Variants in RANBP2 observed in about 807,000 individuals in gnomAD.
The protein encoded by RANBP2 is E3 SUMO-protein ligase RanBP2.
Under a neutral mutation model 303.6 loss-of-function variants are expected in RANBP2, and 57 were observed. The observed-to-expected ratio is 0.19, with a 90% CI of 0.15 to 0.23. The LOEUF (loss-of-function observed/expected upper bound fraction) is 0.23, where lower values mean the gene tolerates loss of function less well. Among genes scored for constraint, RANBP2 ranks in the 10% least tolerant of loss-of-function variants. RANBP2 has a pLI of 1.00. For missense variants in RANBP2, 3,138 were observed against 3,780.8 expected, an observed-to-expected ratio of 0.83 and a Z score of 4.46; for synonymous variants, 1,167 against 1,301.5, an observed-to-expected ratio of 0.90 and a Z score of 2.23.
At chr2:109,422,678 G>C in the RANBP2 span, among the ~76,000 whole-genome samples, 2 of 152,194 alleles carry the variant, frequency 1.3e-5, no homozygotes, top group Admixed American at 6.5e-5. Context: ...AAATATGATT[G>C]TCTGCTCCTA....
the RANBP2 span, among the ~76,000 whole-genome samples, chr2:109,389,725 G>A: frequency 6.6e-6 from 1 of 151,830 alleles, no homozygotes; most frequent in Non-Finnish European, 1.5e-5. Context: ...TATATTATTT[G>A]GTCCACTAGA....
the RANBP2 span, among the ~76,000 whole-genome samples, chr2:109,477,216 G>A: frequency 6.6e-6 from 1 of 152,172 alleles, no homozygotes; most frequent in African/African-American, 2.4e-5. Flanking sequence ...GCACTGCCCC[G>A]GGTTGCACAC....
At chr2:108,861,857 GT>G in the RANBP2 span, among the ~76,000 whole-genome samples, 2 of 151,996 alleles carry the variant, frequency 1.3e-5, no homozygotes, top group Admixed American at 6.6e-5. Context: ...TCTTAGCACT[GT>G]TTTTACTGTA....
At chr2:109,115,550 AT>A in the RANBP2 span, among the ~76,000 whole-genome samples, 1 of 152,162 alleles carries the variant, frequency 6.6e-6, no homozygotes, top group Non-Finnish European at 1.5e-5. Flanking sequence ...GGTTTCCTGA[AT>A]ACAGCGCACT....
chr2:109,107,315 A>G, the RANBP2 span, among the ~76,000 whole-genome samples: 1 of 151,616 alleles, frequency 6.6e-6, no homozygotes, highest in African/African-American at 2.4e-5. Flanking sequence ...ACGCTCAGGG[A>G]TAAGTACAGG....
chr2:108,736,182 T>A lies in RANBP2; in HGVS notation c.715T>A (p.Tyr239Asn), dbSNP rs1405042231. The change falls in exon 6 of 29, where the codon TAT becomes AAT. Residue 239 changes from tyrosine (Y) to asparagine (N), a missense_variant. Transcript: ENST00000283195. ...AACCAATACAGACTTACTGCTGGCCTATGCTAATCTTATGCTTCTTACGCT... is the reference window on the plus strand; with the variant it reads ...AACCAATACAGACTTACTGCTGGCCAATGCTAATCTTATGCTTCTTACGCT... Reference protein sequence around the residue: ...RATNTDLLLAYANLMLLTLST... With the variant: ...RATNTDLLLANANLMLLTLST... 1.9e-6 allele frequency: 3 copies of A among 1,611,984 alleles called. No individual in the cohort carries two copies. Among genetic ancestry groups the A allele is most frequent in the Admixed American group, 1.7e-5 (1 of 60,018 alleles).
the RANBP2 span, among the ~76,000 whole-genome samples, chr2:109,468,400 TATC>T: frequency 1.3e-5 from 2 of 152,212 alleles, no homozygotes; most frequent in Non-Finnish European, 2.9e-5. Flanking sequence ...TCAGTTTCAT[TATC>T]ATCTTATAAG....
the RANBP2 span, among the ~76,000 whole-genome samples, chr2:108,959,097 C>G: frequency 6.6e-6 from 1 of 152,270 alleles, no homozygotes; most frequent in Admixed American, 6.5e-5. Flanking sequence ...CACCAGTTCT[C>G]TGTGGCTTCC....
the RANBP2 span, among the ~76,000 whole-genome samples, chr2:109,657,185 A>T: frequency 6.6e-6 from 1 of 152,142 alleles, no homozygotes; most frequent in Non-Finnish European, 1.5e-5. Flanking sequence ...CTTGCATTTC[A>T]ACATGCCAGA....
chr2:109,572,529 G>A, the RANBP2 span, among the ~76,000 whole-genome samples: 197 of 151,786 alleles, frequency 1.3e-3, no homozygotes, highest in African/African-American at 4.6e-3. Context: ...AGGCAGTTCA[G>A]CATGACAGCC....
At chr2:109,053,913 C>T in the RANBP2 span, among the ~76,000 whole-genome samples, 50 of 152,258 alleles carry the variant, frequency 3.3e-4, 1 homozygote, top group African/African-American at 1.1e-3. Flanking sequence ...CCACTGCCAG[C>T]GCAGTCCAGA....
chr2:109,173,929 T>G, the RANBP2 span, among the ~76,000 whole-genome samples: 1 of 152,240 alleles, frequency 6.6e-6, no homozygotes, highest in Non-Finnish European at 1.5e-5. Context: ...GGCCAATTCT[T>G]ATGCCCTTTA....
the RANBP2 span, among the ~76,000 whole-genome samples, chr2:109,089,207 G>A: frequency 6.6e-6 from 1 of 152,178 alleles, no homozygotes; most frequent in African/African-American, 2.4e-5. Context: ...AGTGAGGGCA[G>A]GAGGAAATAA....
At position 108,763,482 on chromosome 2, in the gene RANBP2, C is replaced by T. The variant is rs1186427284; in HGVS notation, c.2943C>T (p.Phe981=). The change falls in exon 20 of 29, where the codon TTC becomes TTT. Residue 981 remains phenylalanine (F), a synonymous_variant. Transcript: ENST00000283195. ...CACCTTTGCCAGAACCAGGATATTT[C>T]ACAAAACCTCCGATTGCAGCTCATG... ...TNPPLPEPGY[F]TKPPIAAHAS... 2 of 1,614,046 alleles carry T rather than the reference C, an allele frequency of 1.2e-6. No homozygotes were observed. Among genetic ancestry groups the T allele is most frequent in the East Asian group, 4.5e-5 (2 of 44,880 alleles).
chr2:109,030,767 G>T, the RANBP2 span, among the ~76,000 whole-genome samples: 1 of 152,092 alleles, frequency 6.6e-6, no homozygotes, highest in Non-Finnish European at 1.5e-5. Flanking sequence ...GTTGTTGTTT[G>T]TTTGTTTTCT....
At chr2:109,307,605 G>T in the RANBP2 span, among the ~76,000 whole-genome samples, 2 of 126,434 alleles carry the variant, frequency 1.6e-5, no homozygotes, top group African/African-American at 3.3e-5. Flanking sequence ...CCCAGAGTGT[G>T]ATATTCCCCT....
the RANBP2 span, among the ~76,000 whole-genome samples, chr2:109,724,781 G>T: frequency 6.6e-6 from 1 of 152,176 alleles, no homozygotes; most frequent in South Asian, 2.1e-4. Flanking sequence ...TCAGGACTTT[G>T]TGGCAGGACT....
the RANBP2 span, among the ~76,000 whole-genome samples, chr2:108,854,751 G>A: frequency 6.6e-6 from 1 of 152,080 alleles, no homozygotes; most frequent in Non-Finnish European, 1.5e-5. Context: ...CTCTCCAGGG[G>A]CCTGTTTATA....
At chr2:109,157,278 G>A in the RANBP2 span, among the ~76,000 whole-genome samples, 5 of 152,292 alleles carry the variant, frequency 3.3e-5, no homozygotes, top group East Asian at 7.7e-4. Context: ...CAGAGAGCCC[G>A]CATTCCTGTC....
Sources: gnomAD v4.1 joint callset for allele counts (sites outside exome capture counted in the v4.1 genomes callset) on GRCh38, gnomAD v4.1.1 for gene constraint, MANE v1.5 for transcripts, NCBI Gene and HGNC (gene_info 2026-07-23, HGNC 2026-07-21) for gene names.